LRRIQ1: variants seen among roughly 807,000 people sequenced by gnomAD.
The protein encoded by LRRIQ1 is leucine rich repeats and IQ motif containing 1, also known as leucine-rich repeat- and IQ domain-containing protein 1.
In LRRIQ1, 210 loss-of-function variants were observed where a neutral mutation model predicts 211.9. The ratio of observed to expected loss-of-function variants is 0.99; its 90% CI spans 0.89 to 1.11. LRRIQ1 has a LOEUF of 1.11. Among genes scored for constraint, LRRIQ1 ranks in the 50% most tolerant of loss-of-function variants. The pLI is 0.00. For missense variants in LRRIQ1, 2,136 were observed against 1,939.5 expected, an observed-to-expected ratio of 1.10 and a Z score of -1.90; for synonymous variants, 699 against 650.1, an observed-to-expected ratio of 1.08 and a Z score of -1.14.
chr12:85,166,319 C>T (rs187049782), intron 24 of LRRIQ1, among the ~76,000 whole-genome samples: 3 of 152,272 alleles, frequency 2.0e-5, no homozygotes. Flanking sequence ...TACTCGATTT[C>T]AAGTCAGATT....
intron 10 of LRRIQ1, 63 bp from the exon 11 acceptor site, chr12:85,072,844 A>G (rs1883238113): frequency 1.6e-6 from 2 of 1,224,654 alleles, no homozygotes; most frequent in Non-Finnish European, 2.2e-6. Flanking sequence ...CATATAAGCT[A>G]TAACCACTTG....
intron 13 of LRRIQ1, among the ~76,000 whole-genome samples, chr12:85,102,732 G>T (rs1443715197): frequency 3.3e-5 from 5 of 151,114 alleles, no homozygotes; most frequent in East Asian, 3.9e-4. Flanking sequence ...TGGTGGTGGT[G>T]TTTTCTATGG....
Position 85,046,125 on chromosome 12 carries a change from C to A in LRRIQ1, c.442C>A (p.His148Asn), listed in dbSNP as rs372230744. The A allele has an allele frequency of 3.8e-6, 6 of 1,586,904 alleles. No homozygotes were observed. The Admixed American group carries it at 1.0e-4, about 27-fold the overall frequency. The change falls in exon 5 of 27, where the codon CAT becomes AAT. Residue 148 changes from histidine to asparagine, a missense_variant. Coordinates refer to ENST00000393217, the MANE Select transcript of LRRIQ1 (RefSeq NM_001079910.2). ...PSPHDLPMDE[H>N]VLPDDADINF... is the part of the protein sequence containing the mutation. Reference sequence around the variant, plus strand: ...TCCTCATGACTTGCCTATGGATGAACATGTTTTACCAGGTGGACTAAATTG... The same window carrying A: ...TCCTCATGACTTGCCTATGGATGAAAATGTTTTACCAGGTGGACTAAATTG...
At chr12:85,065,131 T>C in intron 8 of LRRIQ1, 131 bp from the exon 9 acceptor site, 2 of 687,140 alleles carry the variant, frequency 2.9e-6, no homozygotes, top group Non-Finnish European at 4.4e-6. Flanking sequence ...GAGTTGTTAA[T>C]AAATGTAGGC....
chr12:85,177,593 T>G (rs1743945810), intron 24 of LRRIQ1, among the ~76,000 whole-genome samples: 1 of 152,108 alleles, frequency 6.6e-6, no homozygotes, highest in African/African-American at 2.4e-5. Context: ...AAGGTTGGTA[T>G]GGCTAGAGAA....
At chr12:85,115,562 G>A (rs921497013) in intron 15 of LRRIQ1, among the ~76,000 whole-genome samples, 4 of 152,002 alleles carry the variant, frequency 2.6e-5, no homozygotes, top group Admixed American at 1.3e-4. Flanking sequence ...TATTCCTAAC[G>A]TAAAAATTCA....
chr12:85,061,374 T>A (rs1881778772), intron 8 of LRRIQ1, among the ~76,000 whole-genome samples: 1 of 151,746 alleles, frequency 6.6e-6, no homozygotes, highest in Admixed American at 6.6e-5. Flanking sequence ...GGGACTATAT[T>A]GCTATACTAT....
At chr12:85,163,230 T>G (rs140529711) in intron 24 of LRRIQ1, among the ~76,000 whole-genome samples, 31 of 152,336 alleles carry the variant, frequency 2.0e-4, no homozygotes, top group African/African-American at 6.3e-4. Flanking sequence ...TGCAATACAA[T>G]GAACTCTACT....
intron 5 of LRRIQ1, 60 bp downstream of exon 5, chr12:85,046,197 T>C: frequency 2.0e-6 from 2 of 994,530 alleles, no homozygotes; most frequent in Non-Finnish European, 3.0e-6. Flanking sequence ...CATAGTTATT[T>C]AAAAAAAATT....
chr12:85,222,057 G>A (rs1894430442), intron 24 of LRRIQ1, among the ~76,000 whole-genome samples: 1 of 152,134 alleles, frequency 6.6e-6, no homozygotes, highest in Admixed American at 6.5e-5. Flanking sequence ...AAGGTGAGAG[G>A]TGAGAAAGAA....
At chr12:85,062,376 G>T (rs903985226) in intron 8 of LRRIQ1, among the ~76,000 whole-genome samples, 2 of 151,684 alleles carry the variant, frequency 1.3e-5, no homozygotes, top group African/African-American at 2.4e-5. Flanking sequence ...GTTTTCCCCA[G>T]TGTCTGTTGT....
chr12:85,266,594 A>G (rs73365747), downstream of LRRIQ1, among the ~76,000 whole-genome samples: 34,627 of 152,050 alleles, frequency 0.23, 10,211 homozygotes, highest in African/African-American at 0.69. Flanking sequence ...AGCACTTCAG[A>G]GCAAGGGAGC....
chr12:85,096,814 T>G (rs1043961637), intron 11 of LRRIQ1, among the ~76,000 whole-genome samples: 1 of 152,174 alleles, frequency 6.6e-6, no homozygotes, highest in Non-Finnish European at 1.5e-5. Flanking sequence ...GGTCTAGAAG[T>G]ACTCTTTTTA....
chr12:85,114,647 A>G (rs1887442838), intron 15 of LRRIQ1, among the ~76,000 whole-genome samples: 2 of 150,420 alleles, frequency 1.3e-5, no homozygotes, highest in Non-Finnish European at 1.5e-5. Flanking sequence ...CAGAAAATAC[A>G]TAAGAATATG....
chr12:85,067,865 T>C (rs1469269487), intron 10 of LRRIQ1, among the ~76,000 whole-genome samples: 3 of 151,930 alleles, frequency 2.0e-5, no homozygotes, highest in Non-Finnish European at 4.4e-5. Flanking sequence ...AGTTCTGTCA[T>C]TGCCTCCCAT....
chr12:85,075,413 G>A (rs1883535870), intron 11 of LRRIQ1, among the ~76,000 whole-genome samples: 1 of 152,062 alleles, frequency 6.6e-6, no homozygotes, highest in Admixed American at 6.6e-5. Context: ...GCATGGTACT[G>A]ACATCTGCTT....
Position 85,139,967 on chromosome 12 carries a change from A to T in LRRIQ1, c.4329+1998A>T, listed in dbSNP as rs561974222. Among the ~76,000 whole-genome samples the T allele has an allele frequency of 7.3e-5, 11 of 151,166 alleles. No individual in the cohort carries two copies. In the East Asian group the frequency reaches 1.6e-3, roughly 21 times the overall value. ...TAAATTGAACTGTTTCTTTCTTCAC[A>T]TTCTTGGTAAGGTCAGCTATTTATT... On this transcript the variant is annotated intron_variant, in intron 19 of 26. Transcript: ENST00000393217.
chr12:85,246,736 A>G (rs1473219935), downstream of LRRIQ1, among the ~76,000 whole-genome samples: 2 of 151,562 alleles, frequency 1.3e-5, no homozygotes, highest in Non-Finnish European at 3.0e-5. Flanking sequence ...CTAATCTCTG[A>G]ATGTGTTAAT....
chr12:85,106,556 C>T lies in LRRIQ1; in HGVS notation c.3318C>T (p.Cys1106=). The part of the protein sequence containing the change: ...LKSAIKWFDA[C]YSLHELSLTG... ...GTGCCATAAAATGGTTTGATGCATG[C>T]TATTCTCTCCATGAATTGTCTCTTA... The change falls in exon 15 of 27, where the codon TGC becomes TGT. Residue 1106 remains cysteine (C), a synonymous_variant. Coordinates refer to ENST00000393217, the MANE Select transcript of LRRIQ1 (RefSeq NM_001079910.2). 1 of 1,611,768 alleles carries T rather than the reference C, an allele frequency of 6.2e-7. No homozygotes were observed. The highest frequency in any genetic ancestry group is 1.7e-5 in the Admixed American group (1 of 59,566).
Sources: gnomAD v4.1 joint callset for allele counts (sites outside exome capture counted in the v4.1 genomes callset) on GRCh38, gnomAD v4.1.1 for gene constraint, MANE v1.5 for transcripts, NCBI Gene and HGNC (gene_info 2026-07-23, HGNC 2026-07-21) for gene names.